The following HIBCH variants were observed in gnomAD, a reference collection of about 807,000 sequenced individuals.
HIBCH encodes 3-hydroxyisobutyryl-CoA hydrolase, mitochondrial.
A neutral mutation model predicts 58.2 loss-of-function variants in HIBCH; 50 were observed. That is an observed-to-expected ratio of 0.86 (90% CI 0.68 to 1.09). HIBCH has a LOEUF of 1.09. Among genes scored for constraint, HIBCH ranks in the 50% least tolerant of loss-of-function variants. The pLI is 0.00. For synonymous variants in HIBCH, 151 were observed against 146.9 expected, an observed-to-expected ratio of 1.03 and a Z score of -0.20; for missense variants, 450 against 449.7, an observed-to-expected ratio of 1.00 and a Z score of -0.01.
At chr2:190,284,741 TCA>T (rs1358660375) in intron 6 of HIBCH, among the ~76,000 whole-genome samples, 3 of 152,188 alleles carry the variant, frequency 2.0e-5, no homozygotes, top group African/African-American at 7.2e-5. Flanking sequence ...GCCTGACTAC[TCA>T]CAGTTAGCTT....
At position 190,315,964 on chromosome 2, in the gene HIBCH, G is replaced by A. The variant is rs1020326434; in HGVS notation, c.35+3752C>T. Among the ~76,000 whole-genome samples, 1 of 152,120 alleles carries A rather than the reference G, an allele frequency of 6.6e-6. No homozygotes were observed. Among genetic ancestry groups the A allele is most frequent in the African/African-American group, 2.4e-5 (1 of 41,434 alleles). Reference sequence around the variant, plus strand: ...CAACAGAAGAAAGAGACTAGAGGTTGAAAGAAAAGTTAGAACTAAAGGTAT... The same window carrying A: ...CAACAGAAGAAAGAGACTAGAGGTTAAAAGAAAAGTTAGAACTAAAGGTAT... On this transcript the variant is annotated intron_variant, in intron 1 of 13. Transcript: ENST00000359678. The surrounding 1 kb of genome is among the most constrained non-coding windows in gnomAD (Gnocchi z 5.4).
chr2:190,278,094 G>T (rs996561928), intron 6 of HIBCH, among the ~76,000 whole-genome samples: 6 of 152,204 alleles, frequency 3.9e-5, no homozygotes, highest in Admixed American at 1.3e-4. Context: ...TACAAAAATT[G>T]TTCCTAAAGT....
intron 6 of HIBCH, 87 bp from the exon 7 acceptor site, chr2:190,261,321 A>C (rs1687083800): frequency 2.1e-6 from 2 of 946,812 alleles, no homozygotes; most frequent in Non-Finnish European, 3.4e-6. Context: ...CAAAATTACA[A>C]AGCAAGTAAA....
intron 6 of HIBCH, among the ~76,000 whole-genome samples, chr2:190,277,061 C>T (rs1461853764): frequency 6.6e-6 from 1 of 152,108 alleles, no homozygotes; most frequent in Non-Finnish European, 1.5e-5. Flanking sequence ...AATGCAACCC[C>T]AGATGTTTTA....
chr2:190,295,006 T>C (rs1022287868), intron 3 of HIBCH, among the ~76,000 whole-genome samples: 1 of 152,220 alleles, frequency 6.6e-6, no homozygotes, highest in African/African-American at 2.4e-5. Context: ...CAAAGACTGC[T>C]GATAAATATA....
chr2:190,237,727 C>T (rs562963983), intron 11 of HIBCH, among the ~76,000 whole-genome samples: 10 of 152,002 alleles, frequency 6.6e-5, no homozygotes, highest in Admixed American at 3.3e-4. Flanking sequence ...TAGGTATACA[C>T]GTGCCATGGT....
chr2:190,295,161 G>A (rs1234948077), intron 3 of HIBCH, among the ~76,000 whole-genome samples: 1 of 152,128 alleles, frequency 6.6e-6, no homozygotes, highest in South Asian at 2.1e-4. Context: ...AAAGAATCAA[G>A]AGCCGATGAA....
intron 7 of HIBCH, among the ~76,000 whole-genome samples, chr2:190,253,480 C>T (rs1053649636): frequency 3.3e-5 from 5 of 152,076 alleles, no homozygotes; most frequent in Admixed American, 1.3e-4. Flanking sequence ...AACTCATAAC[C>T]TCCCCGCGCC....
intron 6 of HIBCH, among the ~76,000 whole-genome samples, chr2:190,264,120 A>G (rs2105955506): frequency 6.6e-6 from 1 of 152,256 alleles, no homozygotes; most frequent in African/African-American, 2.4e-5. Flanking sequence ...TCTCCCGCCC[A>G]GAAGTCTCCA....
At chr2:190,200,274 C>CTAT, downstream of HIBCH, 1 of 750,828 alleles carries the variant, frequency 1.3e-6, no homozygotes, top group East Asian at 2.6e-5. Context: ...GATAATGTCA[C>CTAT]TATTATAAGA....
rs1400715796 is a variant in HIBCH at position 190,281,935 on chromosome 2, C to T, written c.438+5651G>A. ...ATGCTCTTTACTCCAATATCTTGTT[C>T]CTCATTTTCATCCGGGTCCTCATCA... is the stretch of plus-strand genomic sequence containing the variant. On this transcript the variant is annotated intron_variant, in intron 6 of 13. Coordinates refer to ENST00000359678, the MANE Select transcript of HIBCH (RefSeq NM_014362.4). The surrounding 1 kb of genome is among the most constrained non-coding windows in gnomAD (Gnocchi z 5.4). 2.0e-5 allele frequency among the ~76,000 whole-genome samples: 3 copies of T among 152,132 alleles called. No individual in the cohort carries two copies. Among genetic ancestry groups the T allele is most frequent in the Non-Finnish European group, 2.9e-5 (2 of 68,032 alleles).
intron 7 of HIBCH, among the ~76,000 whole-genome samples, chr2:190,260,056 T>C (rs1263192707): frequency 6.6e-6 from 1 of 152,192 alleles, no homozygotes; most frequent in Non-Finnish European, 1.5e-5. Flanking sequence ...TTGGAAGTTC[T>C]ATTCTACGCA....
At chr2:190,256,893 G>A (rs1686939707) in intron 7 of HIBCH, among the ~76,000 whole-genome samples, 1 of 152,060 alleles carries the variant, frequency 6.6e-6, no homozygotes, top group Non-Finnish European at 1.5e-5. Flanking sequence ...GAAGATTAAT[G>A]AATTTAAGGA....
In HIBCH at chr2:190,238,139, C is replaced by T. The variant is rs183066521; in HGVS notation, c.891+6748G>A. On this transcript the variant is annotated intron_variant, in intron 11 of 13. Coordinates refer to ENST00000359678, the MANE Select transcript of HIBCH (RefSeq NM_014362.4). ...TAGTGCTGCAATAAACATACATGTG[C>T]GTGTGTCTTTACAGTAGAATGATTT... 2.6e-3 allele frequency among the ~76,000 whole-genome samples: 392 copies of T among 152,228 alleles called. 2 individuals carry two copies. Among genetic ancestry groups the T allele is most frequent in the Non-Finnish European group, 2.0e-3 (139 of 68,026 alleles).
intron 1 of HIBCH, among the ~76,000 whole-genome samples, chr2:190,319,110 T>G (rs1688781606): frequency 6.6e-6 from 1 of 152,214 alleles, no homozygotes; most frequent in African/African-American, 2.4e-5. Context: ...TTAAGGCGCA[T>G]GCAGCCTAAA....
chr2:190,196,688 A>G (rs1689994582), intron 1 of HIBCH, among the ~76,000 whole-genome samples: 1 of 152,088 alleles, frequency 6.6e-6, no homozygotes, highest in South Asian at 2.1e-4. Context: ...AAAGAGGATT[A>G]TTTCTGTTTG....
At chr2:190,313,978 AT>A (rs1410177063) in intron 1 of HIBCH, among the ~76,000 whole-genome samples, 1 of 152,010 alleles carries the variant, frequency 6.6e-6, no homozygotes, top group African/African-American at 2.4e-5. Context: ...CTTTCTGGAG[AT>A]TTTAAGCATA....
At chr2:190,282,950 G>T (rs201134456) in intron 6 of HIBCH, among the ~76,000 whole-genome samples, 1 of 151,350 alleles carries the variant, frequency 6.6e-6, no homozygotes, top group Non-Finnish European at 1.5e-5. Flanking sequence ...ACCAAATTTA[G>T]AGTACAGACT....
At chr2:190,255,246 T>A (rs1484004537) in intron 7 of HIBCH, among the ~76,000 whole-genome samples, 4 of 152,204 alleles carry the variant, frequency 2.6e-5, no homozygotes, top group African/African-American at 4.8e-5. Flanking sequence ...GCATGTTACA[T>A]CACTCCTGCC....
Sources: gnomAD v4.1 joint callset for allele counts (sites outside exome capture counted in the v4.1 genomes callset) on GRCh38, gnomAD v4.1.1 for gene constraint, Gnocchi (gnomAD v3.1) non-coding constraint, MANE v1.5 for transcripts, NCBI Gene and HGNC (gene_info 2026-07-23, HGNC 2026-07-21) for gene names.